TIAM1: variants seen among roughly 807,000 people sequenced by gnomAD.
TIAM1 encodes rho guanine nucleotide exchange factor TIAM1.
Under a neutral mutation model 163.5 loss-of-function variants are expected in TIAM1, and 65 were observed. That is an observed-to-expected ratio of 0.40 (90% CI 0.33 to 0.49). The LOEUF (loss-of-function observed/expected upper bound fraction) is 0.49, where lower values mean the gene tolerates loss of function less well. TIAM1 is among the 20% of genes least tolerant of loss of function. The probability of loss-of-function intolerance (pLI) is 0.77; values close to 1 mark genes in which losing one functional copy is unlikely to be tolerated. For synonymous variants in TIAM1, 833 were observed against 810.1 expected, an observed-to-expected ratio of 1.03 and a Z score of -0.48; for missense variants, 1,789 against 2,044.7, an observed-to-expected ratio of 0.87 and a Z score of 2.41.
chr21:31,514,170 AGAACAGACTCCCT>A (rs1204040610), intron 1 of TIAM1, among the ~76,000 whole-genome samples: 1 of 152,192 alleles, frequency 6.6e-6, no homozygotes, highest in Non-Finnish European at 1.5e-5. Context: ...GGTGAAATTA[AGAACAGACTCCCT>A]GACTTGTAGA....
At chr21:31,540,201 C>T (rs574582242) in intron 1 of TIAM1, among the ~76,000 whole-genome samples, 12 of 151,668 alleles carry the variant, frequency 7.9e-5, no homozygotes, top group South Asian at 4.2e-4. Flanking sequence ...CCTTGGCCAA[C>T]GTGGTGAAAC....
At chr21:31,389,802 C>A (rs1387155325) in intron 2 of TIAM1, among the ~76,000 whole-genome samples, 1 of 152,108 alleles carries the variant, frequency 6.6e-6, no homozygotes, top group Non-Finnish European at 1.5e-5. Context: ...CTATCTTAGC[C>A]CTGGTATTTT....
At chr21:31,426,960 G>A (rs2147270213) in intron 2 of TIAM1, among the ~76,000 whole-genome samples, 1 of 152,044 alleles carries the variant, frequency 6.6e-6, no homozygotes, top group African/African-American at 2.4e-5. Flanking sequence ...AGTGTTTGTT[G>A]CCCAGGCTGA....
At chr21:31,448,810 G>A (rs2044722500) in intron 2 of TIAM1, among the ~76,000 whole-genome samples, 1 of 152,080 alleles carries the variant, frequency 6.6e-6, no homozygotes. Context: ...TCAAATTATA[G>A]GCATGGGTTT....
At chr21:31,146,373 C>T (rs2083105727) in intron 20 of TIAM1, among the ~76,000 whole-genome samples, 1 of 135,882 alleles carries the variant, frequency 7.4e-6, no homozygotes, top group African/African-American at 2.8e-5. Flanking sequence ...GTGGAGGTTC[C>T]AGCCCAAGTG....
At chr21:31,183,048 C>T (rs569771749) in intron 14 of TIAM1, among the ~76,000 whole-genome samples, 1 of 152,264 alleles carries the variant, frequency 6.6e-6, no homozygotes, top group African/African-American at 2.4e-5. Flanking sequence ...TGCCTCAGTG[C>T]ACACTTAAGT....
intron 2 of TIAM1, among the ~76,000 whole-genome samples, chr21:31,289,787 A>G (rs2073945458): frequency 6.6e-6 from 1 of 152,220 alleles, no homozygotes; most frequent in African/African-American, 2.4e-5. Context: ...AAACAGTGAT[A>G]CATCAGTCCC....
At chr21:31,494,363 CT>C (rs930408671) in intron 1 of TIAM1, among the ~76,000 whole-genome samples, 3 of 152,306 alleles carry the variant, frequency 2.0e-5, no homozygotes, top group Admixed American at 2.0e-4. Flanking sequence ...AAGACAAACC[CT>C]CCCTTTTCCT....
chr21:31,179,782 A>G (rs1176881266), intron 15 of TIAM1, among the ~76,000 whole-genome samples: 1 of 152,196 alleles, frequency 6.6e-6, no homozygotes, highest in East Asian at 1.9e-4. Flanking sequence ...TATATATAAA[A>G]TGCATTTTAA....
At chr21:31,156,821 T>G (rs1328737582) in intron 16 of TIAM1, among the ~76,000 whole-genome samples, 1 of 152,220 alleles carries the variant, frequency 6.6e-6, no homozygotes, top group Admixed American at 6.5e-5. Flanking sequence ...CAAACTCTCC[T>G]TGGTTGCTTT....
At chr21:31,153,888 T>A (rs9977559) in intron 17 of TIAM1, among the ~76,000 whole-genome samples, 2 of 147,814 alleles carry the variant, frequency 1.4e-5, no homozygotes, top group Non-Finnish European at 3.0e-5. Flanking sequence ...TGGTGAAACC[T>A]CCTCTCTACA....
At position 31,395,806 on chromosome 21, in the gene TIAM1, T is replaced by C. The variant is rs1036845249; in HGVS notation, c.-368-56384A>G. On this transcript the variant is annotated intron_variant, in intron 2 of 28. Transcript: ENST00000286827. The surrounding 1 kb of genome is among the most constrained non-coding windows in gnomAD (Gnocchi z 7.5). ...CATGGAATTAATGAACAACTATCTG[T>C]GAAAATCTATCCTAATTAGGAAACA... Among the ~76,000 whole-genome samples, 1 of 152,162 alleles carries C rather than the reference T, an allele frequency of 6.6e-6. No homozygotes were observed. Among genetic ancestry groups the C allele is most frequent in the Admixed American group, 6.5e-5 (1 of 15,290 alleles).
chr21:31,413,540 G>A (rs1440659050), intron 2 of TIAM1, among the ~76,000 whole-genome samples: 2 of 151,918 alleles, frequency 1.3e-5, no homozygotes, highest in African/African-American at 4.8e-5. Flanking sequence ...AAAGTGCTGG[G>A]ATTATAGGCA....
chr21:31,514,416 C>T (rs927077806), intron 1 of TIAM1, among the ~76,000 whole-genome samples: 1 of 151,444 alleles, frequency 6.6e-6, no homozygotes, highest in African/African-American at 2.4e-5. Flanking sequence ...TTAAAAAAAT[C>T]ATATTGATTT....
chr21:31,120,282 G>A lies in TIAM1; in HGVS notation c.*86C>T, dbSNP rs2081948449. 1.5e-6 allele frequency: 2 copies of A among 1,358,568 alleles called. No homozygotes were observed. Among genetic ancestry groups the A allele is most frequent in the Admixed American group, 5.1e-5 (2 of 39,248 alleles). The allele number at this position is 1,358,568 out of a possible 1,614,324, so 84.2% of individuals were successfully genotyped here. On this transcript the variant is annotated 3_prime_UTR_variant, in exon 28 of 28. Coordinates refer to ENST00000541036, the MANE Select transcript of TIAM1 (RefSeq NM_001353694.2). The surrounding 1 kb of genome is among the most constrained non-coding windows in gnomAD (Gnocchi z 4.2). ...GTGTGTGCAAGAGCGCGACCTAAGG[G>A]GACATTCTTGTCGACGGTACAGGAG...
chr21:31,295,279 G>C (rs1319624320), intron 2 of TIAM1, among the ~76,000 whole-genome samples: 1 of 152,048 alleles, frequency 6.6e-6, no homozygotes, highest in Admixed American at 6.6e-5. Context: ...GACCATCCCG[G>C]CTAACACGGT....
chr21:31,443,974 T>C (rs925193378), intron 2 of TIAM1, among the ~76,000 whole-genome samples: 1 of 152,206 alleles, frequency 6.6e-6, no homozygotes, highest in African/African-American at 2.4e-5. Context: ...CTGAACCTCA[T>C]GGGAGGCAGC....
At chr21:31,545,952 T>C (rs1354781302) in intron 1 of TIAM1, among the ~76,000 whole-genome samples, 1 of 152,170 alleles carries the variant, frequency 6.6e-6, no homozygotes, top group African/African-American at 2.4e-5. Context: ...ATTAATGTGA[T>C]TTTTCTGATT....
At chr21:31,487,178 G>A (rs548467626) in intron 1 of TIAM1, among the ~76,000 whole-genome samples, 1 of 152,212 alleles carries the variant, frequency 6.6e-6, no homozygotes, top group Non-Finnish European at 1.5e-5. Flanking sequence ...TTCCGACAGG[G>A]CACATTTGAT....
Sources: gnomAD v4.1 joint callset for allele counts (sites outside exome capture counted in the v4.1 genomes callset) on GRCh38, gnomAD v4.1.1 for gene constraint, Gnocchi (gnomAD v3.1) non-coding constraint, MANE v1.5 for transcripts, NCBI Gene and HGNC (gene_info 2026-07-23, HGNC 2026-07-21) for gene names.